INSL6: variants seen among roughly 807,000 people sequenced by gnomAD.
INSL6 encodes the protein insulin like 6, also known as insulin-like peptide INSL6.
In INSL6, 16 loss-of-function variants were observed where a neutral mutation model predicts 9.4. That is an observed-to-expected ratio of 1.70 (90% CI 1.15 to 2.59). INSL6 has a LOEUF of 2.59. INSL6 is among the 30% of genes most tolerant of loss of function. The probability of loss-of-function intolerance (pLI) is 0.00; values close to 1 mark genes in which losing one functional copy is unlikely to be tolerated. For synonymous variants in INSL6, 154 were observed against 96.9 expected (o/e 1.59, Z -3.46); for missense variants, 391 against 257.3 (o/e 1.52, Z -3.56).
At chr9:5,081,437 A>C in the INSL6 span, among the ~76,000 whole-genome samples, 1 of 152,052 alleles carries the variant, frequency 6.6e-6, no homozygotes, top group Non-Finnish European at 1.5e-5. Context: ...CCCCAGTACT[A>C]CTCACCTTTC....
At chr9:5,004,387 T>A in the INSL6 span, among the ~76,000 whole-genome samples, 1 of 152,228 alleles carries the variant, frequency 6.6e-6, no homozygotes, top group East Asian at 1.9e-4. Context: ...TCATACAGTT[T>A]TGTCTTTCTG....
At chr9:5,051,222 T>G in the INSL6 span, among the ~76,000 whole-genome samples, 4 of 152,174 alleles carry the variant, frequency 2.6e-5, no homozygotes, top group Non-Finnish European at 5.9e-5. Context: ...TGAAATTATT[T>G]AAAGAGTTGT....
the INSL6 span, among the ~76,000 whole-genome samples, chr9:5,049,371 C>G: frequency 6.6e-6 from 1 of 152,186 alleles, no homozygotes. Context: ...ACTTCAGGCC[C>G]TAATCAAATT....
the INSL6 span, among the ~76,000 whole-genome samples, chr9:5,023,274 T>C: frequency 6.6e-6 from 1 of 152,252 alleles, no homozygotes; most frequent in Non-Finnish European, 1.5e-5. Context: ...TTTCAGTTCC[T>C]GGCTTATTTC....
the INSL6 span, among the ~76,000 whole-genome samples, chr9:5,089,312 G>A: frequency 6.6e-6 from 1 of 152,066 alleles, no homozygotes; most frequent in Non-Finnish European, 1.5e-5. Flanking sequence ...GCCGAGTTGG[G>A]TGGATCACCA....
the INSL6 span, among the ~76,000 whole-genome samples, chr9:4,992,024 C>T: frequency 3.3e-5 from 5 of 152,162 alleles, no homozygotes; most frequent in Non-Finnish European, 7.3e-5. Context: ...TACCATGGGT[C>T]AGTAATTGAG....
the INSL6 span, among the ~76,000 whole-genome samples, chr9:5,020,459 CA>C: frequency 6.6e-6 from 1 of 152,108 alleles, no homozygotes; most frequent in Non-Finnish European, 1.5e-5. Context: ...GGATGATTTC[CA>C]ATTTCCTGGT....
chr9:5,083,620 TCC>T, the INSL6 span, among the ~76,000 whole-genome samples: 1 of 152,146 alleles, frequency 6.6e-6, no homozygotes, highest in African/African-American at 2.4e-5. Context: ...TTCCTTTAGA[TCC>T]CAATAGATTA....
At chr9:5,176,958 A>G (rs1380156508) in intron 1 of INSL6, among the ~76,000 whole-genome samples, 4 of 152,226 alleles carry the variant, frequency 2.6e-5, no homozygotes, top group Non-Finnish European at 4.4e-5. Flanking sequence ...GCATGAAATT[A>G]ACCAATGATA....
the INSL6 span, among the ~76,000 whole-genome samples, chr9:5,062,020 T>G: frequency 7.9e-5 from 12 of 152,206 alleles, no homozygotes; most frequent in African/African-American, 2.9e-4. Context: ...ATATACAAAT[T>G]TATCACTTAA....
chr9:5,133,009 T>A (rs560926486), intron 3 of INSL6, among the ~76,000 whole-genome samples: 15 of 152,042 alleles, frequency 9.9e-5, no homozygotes, highest in Non-Finnish European at 2.1e-4. Context: ...GGACCTGGGG[T>A]AGTGAGAGTT....
Position 5,153,169 on chromosome 9 carries a change from G to A in INSL6, c.376+11010C>T, listed in dbSNP as rs575158840. Among the ~76,000 whole-genome samples the A allele has an allele frequency of 3.3e-5, 5 of 151,466 alleles. No individual in the cohort carries two copies. In the East Asian group the frequency reaches 7.8e-4, roughly 24 times the overall value. On this transcript the variant is annotated intron_variant, in intron 2 of 3. Coordinates refer to the INSL6 transcript ENST00000649639. ...TTTTTTTTTTTCATACCCCAGTGGC[G>A]CCTGGAATGTCAGTGAGACAGAACC...
chr9:5,156,062 G>A lies in INSL6; in HGVS notation c.376+8117C>T, dbSNP rs567754085. Among the ~76,000 whole-genome samples, 4 of 151,964 alleles carry A rather than the reference G, an allele frequency of 2.6e-5. No individual in the cohort carries two copies. In the South Asian group the frequency reaches 8.3e-4, roughly 32 times the overall value. On this transcript the variant is annotated intron_variant, in intron 2 of 3. Transcript: ENST00000649639. ...CAGATCCTATAGACATTTAAAGGAT[G>A]GTCAGGGAATATGATGAAAAACTTT...
the INSL6 span, among the ~76,000 whole-genome samples, chr9:5,101,608 G>A: frequency 2.8e-4 from 43 of 152,222 alleles, no homozygotes; most frequent in Non-Finnish European, 5.1e-4. Context: ...AGCCTAAGTG[G>A]GAGACACCTC....
At chr9:5,149,332 C>G (rs961645857) in intron 2 of INSL6, among the ~76,000 whole-genome samples, 1 of 152,198 alleles carries the variant, frequency 6.6e-6, no homozygotes, top group Non-Finnish European at 1.5e-5. Flanking sequence ...TTCTGAAGAT[C>G]TGTTCAAATT....
intron 2 of INSL6, among the ~76,000 whole-genome samples, chr9:5,154,104 G>C (rs1424433797): frequency 6.6e-6 from 1 of 152,030 alleles, no homozygotes; most frequent in Non-Finnish European, 1.5e-5. Flanking sequence ...GAAACAGCAT[G>C]GTAGTGGTAC....
chr9:5,120,584 G>A (rs1484574200), downstream of INSL6, among the ~76,000 whole-genome samples: 1 of 152,192 alleles, frequency 6.6e-6, no homozygotes, highest in African/African-American at 2.4e-5. Context: ...GGTGAAACAG[G>A]ATTTTGGACT....
the INSL6 span, among the ~76,000 whole-genome samples, chr9:5,117,288 G>A: frequency 1.3e-5 from 2 of 152,190 alleles, no homozygotes; most frequent in Non-Finnish European, 2.9e-5. Context: ...TCATGTTAAT[G>A]AGTTCAGACC....
chr9:5,172,774 A>G (rs1825212708), intron 1 of INSL6, among the ~76,000 whole-genome samples: 1 of 152,112 alleles, frequency 6.6e-6, no homozygotes, highest in Admixed American at 6.6e-5. Context: ...CTAAAAGTAC[A>G]AAAATTAGCT....
Sources: allele counts gnomAD v4.1 joint callset (sites outside exome capture counted in the v4.1 genomes callset), GRCh38; gene constraint gnomAD v4.1.1; transcripts MANE v1.5; gene names NCBI Gene and HGNC (gene_info 2026-07-23, HGNC 2026-07-21).